The following MLLT3 variants were observed in gnomAD, a reference collection of about 807,000 sequenced individuals.
MLLT3 encodes the protein protein AF-9.
MLLT3 carries 4 observed loss-of-function variants against 53.2 expected under a neutral mutation model. That is an observed-to-expected ratio of 0.08 (90% CI 0.04 to 0.17). The LOEUF is 0.17. MLLT3 is among the 10% of genes least tolerant of loss of function. MLLT3 has a pLI of 1.00. For missense variants in MLLT3, 569 were observed against 684.0 expected, an observed-to-expected ratio of 0.83 and a Z score of 1.87; for synonymous variants, 283 against 230.6, an observed-to-expected ratio of 1.23 and a Z score of -2.06.
At chr9:20,602,236 G>A (rs1421429086) in intron 2 of MLLT3, among the ~76,000 whole-genome samples, 1 of 152,052 alleles carries the variant, frequency 6.6e-6, no homozygotes, top group African/African-American at 2.4e-5. Flanking sequence ...GAATTACTTT[G>A]CTTTCAGAGA....
Position 20,448,871 on chromosome 9 carries a change from G to T in MLLT3, c.277-605C>A, listed in dbSNP as rs1171312932. On this transcript the variant is annotated intron_variant, in intron 3 of 10. Transcript: ENST00000380338. This position sits in a 1 kb window ranked among gnomAD's most constrained non-coding sequence, Gnocchi z 4.0. The stretch of plus-strand genomic sequence containing the variant: ...GTCACATAAGGGCCTTCATAATCTG[G>T]CTCTTGGCTTCATATTCCACCATTC... Among the ~76,000 whole-genome samples the T allele has an allele frequency of 6.6e-6, 1 of 152,042 alleles. No homozygotes were observed. The highest frequency in any genetic ancestry group is 1.5e-5 in the Non-Finnish European group (1 of 68,000).
rs60526002 is a variant in MLLT3 at position 20,620,252 on chromosome 9, A to AACACAC, written c.193+396_193+401dup. Reference sequence around the variant, plus strand: ...AGGTAAATCTTAATTTCTCTAGGAAAACACACACACACACACACACACACA... The same window carrying AACACAC: ...AGGTAAATCTTAATTTCTCTAGGAAAACACACACACACACACACACACACACACACA... On this transcript the variant is annotated intron_variant, in intron 2 of 10. Transcript: ENST00000380338. This position sits in a 1 kb window ranked among gnomAD's most constrained non-coding sequence, Gnocchi z 6.1. 8.6e-4 allele frequency among the ~76,000 whole-genome samples: 122 copies of AACACAC among 142,602 alleles called. 1 individual carries two copies. The highest frequency in any genetic ancestry group is 1.2e-3 in the African/African-American group (45 of 38,392). 93.6% of individuals were successfully genotyped at this position (142,602 alleles called of 152,430 possible).
At chr9:20,502,573 T>C (rs1413441501) in intron 2 of MLLT3, among the ~76,000 whole-genome samples, 3 of 152,244 alleles carry the variant, frequency 2.0e-5, no homozygotes. Flanking sequence ...CATTATTCCC[T>C]AAGCAATACA....
chr9:20,414,330 G>C lies in MLLT3; in HGVS notation c.516C>G (p.Ser172Arg), dbSNP rs1159056352. Residue 172 changes from serine (S) to arginine (R), a missense_variant, in exon 5 of 11, where the codon AGC becomes AGG. Ser to Arg is a moderately radical substitution (Grantham distance 110). This residue lies in a region of MLLT3 where 39 missense variants were observed against 68.8 expected (regional missense o/e 0.57). Transcript: ENST00000380338. The stretch of plus-strand genomic sequence containing the variant: ...TGCTGCTACTGCTGCTGCTGCTGCT[G>C]CTGCTGCTGCTGCTACTGCTGCTGC... ...SSSSSSSSSS[S>R]SSSSSSSSSS... is the part of the protein sequence containing the mutation. 1 of 1,606,664 alleles carries C rather than the reference G, an allele frequency of 6.2e-7. No homozygotes were observed. Among genetic ancestry groups the C allele is most frequent in the Non-Finnish European group, 8.5e-7 (1 of 1,177,930 alleles).
intron 2 of MLLT3, among the ~76,000 whole-genome samples, chr9:20,504,803 C>A (rs769265602): frequency 6.6e-6 from 1 of 152,066 alleles, no homozygotes; most frequent in Non-Finnish European, 1.5e-5. Flanking sequence ...TTGGCCATTT[C>A]ACAATGTATA....
intron 2 of MLLT3, among the ~76,000 whole-genome samples, chr9:20,591,967 C>A (rs1253883352): frequency 1.3e-5 from 2 of 151,956 alleles, no homozygotes; most frequent in African/African-American, 4.8e-5. Flanking sequence ...CAAGTCCAGC[C>A]TAGGCAACAC....
chr9:20,443,043 T>A (rs1347519551), intron 4 of MLLT3, among the ~76,000 whole-genome samples: 1 of 152,026 alleles, frequency 6.6e-6, no homozygotes, highest in African/African-American at 2.4e-5. Context: ...TGCCAGTGAT[T>A]CAGAAATAGG....
At chr9:20,579,083 C>T (rs4977430) in intron 2 of MLLT3, among the ~76,000 whole-genome samples, 110,740 of 152,086 alleles carry the variant, frequency 0.73, 41,603 homozygotes, top group Middle Eastern at 0.89. Flanking sequence ...TAAATCAAGC[C>T]AGGTATGATA....
intron 4 of MLLT3, among the ~76,000 whole-genome samples, chr9:20,414,743 A>C (rs977742356): frequency 4.6e-5 from 7 of 152,250 alleles, no homozygotes; most frequent in African/African-American, 1.7e-4. Context: ...GATGAATAAC[A>C]CATGGACCCC....
At chr9:20,395,824 A>G (rs1822308073) in intron 5 of MLLT3, among the ~76,000 whole-genome samples, 1 of 152,202 alleles carries the variant, frequency 6.6e-6, no homozygotes, top group Non-Finnish European at 1.5e-5. Context: ...ATGCCAGCCA[A>G]GTCTGCACTT....
intron 8 of MLLT3, among the ~76,000 whole-genome samples, chr9:20,359,291 T>C (rs746940446): frequency 2.6e-5 from 4 of 152,116 alleles, no homozygotes; most frequent in Non-Finnish European, 5.9e-5. Flanking sequence ...TTGGCCATGA[T>C]GCATATGTCT....
At chr9:20,540,423 T>C (rs1818599907) in intron 2 of MLLT3, among the ~76,000 whole-genome samples, 1 of 152,218 alleles carries the variant, frequency 6.6e-6, no homozygotes, top group South Asian at 2.1e-4. Flanking sequence ...CTCTGAAATC[T>C]AGGCAGAGGT....
chr9:20,521,053 C>T (rs1023639301), intron 2 of MLLT3, among the ~76,000 whole-genome samples: 5 of 149,956 alleles, frequency 3.3e-5, no homozygotes, highest in East Asian at 3.9e-4. Context: ...CACAGCTAAG[C>T]TGTAAACTTT....
intron 4 of MLLT3, among the ~76,000 whole-genome samples, chr9:20,446,200 T>C (rs183338515): frequency 1.8e-4 from 28 of 152,346 alleles, no homozygotes; most frequent in African/African-American, 6.5e-4. Flanking sequence ...ACTTGTAATA[T>C]TTCAAACAGC....
chr9:20,428,632 T>C lies in MLLT3; in HGVS notation c.421-14207A>G, dbSNP rs555018969. On this transcript the variant is annotated intron_variant, in intron 4 of 10. Transcript: ENST00000380338. ...GGATGATAAATGCACAGAAGAATAA[T>C]AAACTCAAGCAAAAGAAAGACTACA... 5.9e-5 allele frequency among the ~76,000 whole-genome samples: 9 copies of C among 152,020 alleles called. No homozygotes were observed. In the South Asian group the frequency reaches 8.3e-4, roughly 14 times the overall value.
chr9:20,617,762 A>G (rs921432282), intron 2 of MLLT3, among the ~76,000 whole-genome samples: 3 of 152,134 alleles, frequency 2.0e-5, no homozygotes, highest in East Asian at 3.8e-4. Flanking sequence ...CTCTTTTCTA[A>G]GATTTTGTGC....
At chr9:20,603,447 T>C (rs1820486168) in intron 2 of MLLT3, among the ~76,000 whole-genome samples, 3 of 152,086 alleles carry the variant, frequency 2.0e-5, no homozygotes, top group African/African-American at 7.2e-5. Context: ...CTGAATTTTG[T>C]TAACTAAGGC....
intron 2 of MLLT3, among the ~76,000 whole-genome samples, chr9:20,544,897 C>T (rs1343621649): frequency 2.0e-5 from 3 of 152,018 alleles, no homozygotes; most frequent in Non-Finnish European, 4.4e-5. Flanking sequence ...CCAATCTAGG[C>T]AACAAAGTAA....
At chr9:20,547,756 G>T (rs1818827545) in intron 2 of MLLT3, among the ~76,000 whole-genome samples, 1 of 151,686 alleles carries the variant, frequency 6.6e-6, no homozygotes, top group African/African-American at 2.4e-5. Flanking sequence ...TTCAAGACTA[G>T]CCTGGGCAAC....
Sources: gnomAD v4.1 joint callset for allele counts (sites outside exome capture counted in the v4.1 genomes callset) on GRCh38, gnomAD v4.1.1 for gene constraint, gnomAD v4.1.1 regional missense constraint, Gnocchi (gnomAD v3.1) non-coding constraint, MANE v1.5 for transcripts, NCBI Gene and HGNC (gene_info 2026-07-23, HGNC 2026-07-21) for gene names.